LRP2: variants seen among roughly 807,000 people sequenced by gnomAD.
LRP2 encodes LDL receptor related protein 2, also known as low-density lipoprotein receptor-related protein 2.
In LRP2, 172 loss-of-function variants were observed where a neutral mutation model predicts 531.0. The ratio of observed to expected loss-of-function variants is 0.32; its 90% CI spans 0.29 to 0.37. The LOEUF (loss-of-function observed/expected upper bound fraction) is 0.37. LRP2 is among the 10% of genes least tolerant of loss of function. The probability of loss-of-function intolerance (pLI) is 1.00; values close to 1 mark genes in which losing one functional copy is unlikely to be tolerated. For synonymous variants in LRP2, 1,992 were observed against 2,027.6 expected, an observed-to-expected ratio of 0.98 and a Z score of 0.47; for missense variants, 5,167 against 5,868.3, an observed-to-expected ratio of 0.88 and a Z score of 3.90.
At chr2:169,177,575 G>A (rs879475125) in intron 53 of LRP2, among the ~76,000 whole-genome samples, 28 of 152,034 alleles carry the variant, frequency 1.8e-4, no homozygotes, top group Non-Finnish European at 3.7e-4. Flanking sequence ...TGATCTTGAA[G>A]AATTGAGCGA....
chr2:169,169,300 T>A (rs1262879838), intron 60 of LRP2, among the ~76,000 whole-genome samples: 1 of 152,226 alleles, frequency 6.6e-6, no homozygotes, highest in Non-Finnish European at 1.5e-5. Flanking sequence ...TTATACTCCA[T>A]CGTGTGACTG....
intron 46 of LRP2, among the ~76,000 whole-genome samples, chr2:169,194,437 G>T (rs1687935034): frequency 6.6e-6 from 1 of 152,064 alleles, no homozygotes; most frequent in African/African-American, 2.4e-5. Flanking sequence ...CAGCCCAAAA[G>T]TTCCTAGAAC....
At chr2:169,273,632 C>T (rs556961843) in intron 14 of LRP2, among the ~76,000 whole-genome samples, 24 of 152,294 alleles carry the variant, frequency 1.6e-4, no homozygotes, top group African/African-American at 5.8e-4. Flanking sequence ...GTCTGCAACA[C>T]AAACCAGTTT....
chr2:169,261,126 G>C (rs1690530508), intron 16 of LRP2, among the ~76,000 whole-genome samples: 1 of 152,016 alleles, frequency 6.6e-6, no homozygotes, highest in Non-Finnish European at 1.5e-5. Context: ...CAAGAAACTT[G>C]ACCATGAAAT....
At chr2:169,166,668 A>C (rs1276778222) in intron 61 of LRP2, among the ~76,000 whole-genome samples, 1 of 152,208 alleles carries the variant, frequency 6.6e-6, no homozygotes, top group Non-Finnish European at 1.5e-5. Flanking sequence ...TACATTTAAA[A>C]TCGATATCTC....
chr2:169,165,798 C>T, intron 62 of LRP2, 134 bp downstream of exon 62: 1 of 1,088,168 alleles, frequency 9.2e-7, no homozygotes, highest in Admixed American at 1.7e-5. Flanking sequence ...GTCTTGTAAA[C>T]AATTATGTCA....
In LRP2 at chr2:169,307,484, A is replaced by G. The variant is rs993561294; in HGVS notation, c.311-87T>C. 4.8e-6 allele frequency: 4 copies of G among 830,154 alleles called. No individual in the cohort carries two copies. In the African/African-American group the frequency reaches 5.1e-5, roughly 10 times the overall value. The allele number at this position is 830,154 out of a possible 1,614,324, so 51.4% of individuals were successfully genotyped here. A position where few individuals can be genotyped will look rare whatever the true frequency, so the allele number is the denominator to read the frequency against. ...GTCATTAACAAGGATATTGGAAAGCATAAAGTTCATAGGGACACAAGGTAA... is the reference window on the plus strand; with the variant it reads ...GTCATTAACAAGGATATTGGAAAGCGTAAAGTTCATAGGGACACAAGGTAA... On this transcript the variant is annotated intron_variant, in intron 3 of 78. Transcript: ENST00000649046.
At chr2:169,180,456 T>C (rs1017859853) in intron 52 of LRP2, among the ~76,000 whole-genome samples, 1 of 152,256 alleles carries the variant, frequency 6.6e-6, no homozygotes, top group African/African-American at 2.4e-5. Flanking sequence ...AAAGGCTACC[T>C]TAGTGTAGCA....
intron 1 of LRP2, among the ~76,000 whole-genome samples, chr2:169,341,812 G>A (rs945474018): frequency 6.6e-6 from 1 of 152,136 alleles, no homozygotes; most frequent in Admixed American, 6.5e-5. Context: ...AAATGCTATA[G>A]CTATGGTGAC....
chr2:169,160,685 A>AAAAAAAAAAAAAAAAAAAAAAAAAAAC (rs970862922), intron 63 of LRP2, among the ~76,000 whole-genome samples: 1 of 94,280 alleles, frequency 1.1e-5, no homozygotes, highest in African/African-American at 4.5e-5. Flanking sequence ...ATTTCCTTAA[A>AAAAAAAAAAAAAAAAAAAAAAAAAAAC]AAAAAAAAAA....
rs1688249997 is a variant in LRP2, at chr2:169,202,920, T to C, written c.8045A>G (p.Asn2682Ser). ...CTTCCTGTTGTTGGCCAAATACCAG[T>C]TGCCCTCATGTGGACACTGGCACTC... ...GAECQCPHEG[N>S]WYLANNRKHC... The change falls in exon 43 of 79, where the codon AAC (asparagine) becomes AGC (serine). Residue 2682 changes from asparagine (N) to serine (S), a missense_variant. Asn to Ser is a conservative substitution (Grantham distance 46). Coordinates refer to ENST00000649046, the MANE Select transcript of LRP2 (RefSeq NM_004525.3). 6.2e-7 allele frequency: 1 copy of C among 1,614,088 alleles called. No homozygotes were observed. Among genetic ancestry groups the C allele is most frequent in the Admixed American group, 1.7e-5 (1 of 60,004 alleles).
At chr2:169,136,402 T>A (rs1685511548) in intron 76 of LRP2, among the ~76,000 whole-genome samples, 1 of 152,084 alleles carries the variant, frequency 6.6e-6, no homozygotes, top group East Asian at 1.9e-4. Context: ...ATGTCAGGCC[T>A]CTGAGCCCAA....
At position 169,206,887 on chromosome 2, in the gene LRP2, G is replaced by A. The variant is rs1229303365; in HGVS notation, c.6833C>T (p.Pro2278Leu). 6.2e-7 allele frequency: 1 copy of A among 1,614,048 alleles called. No individual in the cohort carries two copies. Among genetic ancestry groups the A allele is most frequent in the African/African-American group, 1.3e-5 (1 of 74,904 alleles). ...SEVIRYGSRYPTPYGITVFEN... is the reference protein window; with the variant it reads ...SEVIRYGSRYLTPYGITVFEN... ...AAAAACAGTGATGCCATAAGGAGTT[G>A]GGTAACGACTGCCATAACGAATCAC... Residue 2278 changes from proline (P) to leucine (L), a missense_variant, in exon 39 of 79, where the codon CCA becomes CTA. Physicochemically the swap from Pro to Leu is moderately conservative, Grantham distance 98 (BLOSUM62 -3). Transcript: ENST00000649046.
rs182671052 is a variant in LRP2 at position 169,139,706 on chromosome 2, G to A, written c.13200-96C>T. 1.7e-5 allele frequency: 18 copies of A among 1,033,278 alleles called. 1 individual carries two copies. Among genetic ancestry groups the A allele is most frequent in the Admixed American group, 1.2e-4 (7 of 58,422 alleles). The allele number at this position is 1,033,278 out of a possible 1,614,324, so 64.0% of individuals were successfully genotyped here. A position where few individuals can be genotyped will look rare whatever the true frequency, so the allele number is the denominator to read the frequency against. On this transcript the variant is annotated intron_variant, in intron 72 of 78. Transcript: ENST00000649046. ...TCCTGAAGTAGAGAGAGCTTTGACT[G>A]CATAAATTACATGTTGAACAGACAA...
At chr2:169,338,411 A>AG (rs1685479268) in intron 1 of LRP2, among the ~76,000 whole-genome samples, 2 of 151,264 alleles carry the variant, frequency 1.3e-5, no homozygotes, top group Non-Finnish European at 2.9e-5. Context: ...AAAGAAAGAA[A>AG]AGAAAAGAAA....
Position 169,206,511 on chromosome 2 carries a change from C to T in LRP2, c.7209G>A (p.Leu2403=). 2 of 1,614,138 alleles carry T rather than the reference C, an allele frequency of 1.2e-6. No homozygotes were observed. The highest frequency in any genetic ancestry group is 1.7e-6 in the Non-Finnish European group (2 of 1,180,024). ...ALSNSLRSLH[L]DPENHSPPFQ... is the part of the protein sequence containing the mutation. ...AAGGTGGGCTATGGTTTTCAGGGTCCAAGTGTAAGCTTCTCAAGGAATTAG... is the reference window on the plus strand; with the variant it reads ...AAGGTGGGCTATGGTTTTCAGGGTCTAAGTGTAAGCTTCTCAAGGAATTAG... Residue 2403 remains leucine (L), a synonymous_variant, in exon 39 of 79, where the codon TTG becomes TTA. Coordinates refer to ENST00000649046, the MANE Select transcript of LRP2 (RefSeq NM_004525.3).
At chr2:169,163,145 T>A (rs1262708941) in intron 62 of LRP2, among the ~76,000 whole-genome samples, 1 of 152,294 alleles carries the variant, frequency 6.6e-6, no homozygotes, top group East Asian at 1.9e-4. Context: ...GGAGATCATG[T>A]TATGCAAAGT....
rs908691177 is a variant in LRP2, at chr2:169,192,433, C to T, written c.8831-400G>A. ...GCACAATGTGAAATAGGTATTTTTA[C>T]ACCATTTGTATAGATGAGAAAACTG... is the stretch of plus-strand genomic sequence containing the variant. On this transcript the variant is annotated intron_variant, in intron 47 of 78. Coordinates refer to ENST00000649046, the MANE Select transcript of LRP2 (RefSeq NM_004525.3). Among the ~76,000 whole-genome samples the T allele has an allele frequency of 3.4e-5, 5 of 147,144 alleles. No individual in the cohort carries two copies. In the East Asian group the frequency reaches 8.1e-4, roughly 24 times the overall value.
At chr2:169,257,374 GA>G (rs1690348076) in intron 17 of LRP2, 125 bp from the exon 18 acceptor site, 1 of 948,392 alleles carries the variant, frequency 1.1e-6, no homozygotes, top group East Asian at 2.7e-5. Flanking sequence ...ATATGCTATT[GA>G]ACTTAACATA....
Sources: allele counts gnomAD v4.1 joint callset (sites outside exome capture counted in the v4.1 genomes callset), GRCh38; gene constraint gnomAD v4.1.1; transcripts MANE v1.5; gene names NCBI Gene and HGNC (gene_info 2026-07-23, HGNC 2026-07-21).